Variants in ZNF385D observed in about 807,000 individuals in gnomAD.
The protein encoded by ZNF385D is zinc finger protein 385D, also known as zinc finger protein 659.
In ZNF385D, 15 loss-of-function variants were observed where a neutral mutation model predicts 35.8. That is an observed-to-expected ratio of 0.42 (90% CI 0.28 to 0.64). The LOEUF is 0.64. ZNF385D is among the 30% of genes least tolerant of loss of function. The pLI is 0.23. For synonymous variants in ZNF385D, 212 were observed against 186.8 expected (o/e 1.13, Z -1.10); for missense variants, 474 against 494.6 (o/e 0.96, Z 0.39).
intron 2 of ZNF385D, among the ~76,000 whole-genome samples, chr3:22,176,622 A>T (rs1694847122): frequency 6.6e-6 from 1 of 152,206 alleles, no homozygotes; most frequent in Non-Finnish European, 1.5e-5. Flanking sequence ...AATTAAGCCC[A>T]GAGTGGCAGA....
intron 2 of ZNF385D, among the ~76,000 whole-genome samples, chr3:22,202,933 G>T (rs1293329595): frequency 1.3e-5 from 2 of 152,072 alleles, no homozygotes; most frequent in Non-Finnish European, 2.9e-5. Flanking sequence ...GTGTTTTGGG[G>T]TTCTAAATAA....
intron 4 of ZNF385D, among the ~76,000 whole-genome samples, chr3:21,486,064 T>C (rs1247573940): frequency 7.2e-6 from 1 of 138,694 alleles, no homozygotes; most frequent in African/African-American, 2.7e-5. Context: ...TGTGTTAGGA[T>C]TGGGTCACCA....
At chr3:21,748,829 T>C (rs926652607) in intron 1 of ZNF385D, among the ~76,000 whole-genome samples, 7 of 152,166 alleles carry the variant, frequency 4.6e-5, no homozygotes, top group African/African-American at 1.2e-4. Context: ...TATAAATACA[T>C]AGTCTTCAGC....
intron 2 of ZNF385D, among the ~76,000 whole-genome samples, chr3:22,350,965 C>T (rs1305358223): frequency 1.7e-4 from 26 of 152,000 alleles, no homozygotes; most frequent in Non-Finnish European, 1.5e-5. Flanking sequence ...CACAACTTAC[C>T]TTAAGATATC....
At chr3:21,782,803 G>A (rs897082325) in intron 3 of ZNF385D, among the ~76,000 whole-genome samples, 4 of 152,064 alleles carry the variant, frequency 2.6e-5, no homozygotes, top group Admixed American at 6.6e-5. Flanking sequence ...GTGATAAAAT[G>A]CATTGAAATA....
chr3:21,845,062 G>A (rs534890747), intron 3 of ZNF385D, among the ~76,000 whole-genome samples: 1 of 151,896 alleles, frequency 6.6e-6, no homozygotes, highest in East Asian at 1.9e-4. Context: ...GTTAACGCAG[G>A]TCTTAAAGTT....
intron 3 of ZNF385D, among the ~76,000 whole-genome samples, chr3:21,813,049 C>G: frequency 6.6e-6 from 1 of 152,200 alleles, no homozygotes; most frequent in Non-Finnish European, 1.5e-5. Flanking sequence ...ATTTGCTGTT[C>G]TGCAGCCTCC....
chr3:22,004,341 T>C (rs1696057711), intron 3 of ZNF385D, among the ~76,000 whole-genome samples: 2 of 151,636 alleles, frequency 1.3e-5, no homozygotes, highest in South Asian at 4.2e-4. Context: ...AAAGAAAACA[T>C]AGGGGAAATG....
intron 3 of ZNF385D, among the ~76,000 whole-genome samples, chr3:21,924,074 A>C (rs1306335105): frequency 6.6e-6 from 1 of 152,214 alleles, no homozygotes; most frequent in Non-Finnish European, 1.5e-5. Context: ...AGAGCACATA[A>C]TCAATGAGAT....
chr3:21,603,095 A>G (rs147560154), intron 2 of ZNF385D, among the ~76,000 whole-genome samples: 1 of 152,226 alleles, frequency 6.6e-6, no homozygotes. Context: ...AAGTTTATTT[A>G]CCAAAATAAA....
intron 1 of ZNF385D, among the ~76,000 whole-genome samples, chr3:21,696,298 T>A (rs543840277): frequency 3.9e-5 from 6 of 152,292 alleles, no homozygotes; most frequent in African/African-American, 7.2e-5. Context: ...CTTGGGGAAT[T>A]TACTGAATCT....
At chr3:22,149,942 T>G (rs1010305926) in intron 3 of ZNF385D, among the ~76,000 whole-genome samples, 14 of 152,206 alleles carry the variant, frequency 9.2e-5, no homozygotes, top group African/African-American at 3.4e-4. Flanking sequence ...GAACTTACTC[T>G]CTTGACTTTA....
rs1260885276 is a variant in ZNF385D, at chr3:21,423,825, C to A, written c.954+138G>T. ...TTGGTTTTTCTCTTTTCCCTATGAT[C>A]TATGATAAATCTGAACTCAACTCAA... On this transcript the variant is annotated intron_variant, in intron 7 of 7. Transcript: ENST00000281523. 3 of 721,982 alleles carry A rather than the reference C, an allele frequency of 4.2e-6. No individual in the cohort carries two copies. In the African/African-American group the frequency reaches 5.7e-5, roughly 14 times the overall value. The allele number at this position is 721,982 out of a possible 1,614,324, so 44.7% of individuals were successfully genotyped here.
In ZNF385D at chr3:21,938,051, T is replaced by G. The variant is rs997078742; in HGVS notation, c.325+230766A>C. ...TACGTAACAAAGGAGGTCCAAATTTTTATTTGCCTCAAATGATATTCAACC... is the reference window on the plus strand; with the variant it reads ...TACGTAACAAAGGAGGTCCAAATTTGTATTTGCCTCAAATGATATTCAACC... On this transcript the variant is annotated intron_variant, in intron 3 of 5. Coordinates refer to the ZNF385D transcript ENST00000494108. Among the ~76,000 whole-genome samples the G allele has an allele frequency of 2.6e-5, 4 of 152,344 alleles. No homozygotes were observed. In the East Asian group the frequency reaches 7.7e-4, roughly 29 times the overall value.
intron 3 of ZNF385D, among the ~76,000 whole-genome samples, chr3:21,844,096 T>C (rs146580051): frequency 7.3e-4 from 111 of 152,110 alleles, no homozygotes; most frequent in African/African-American, 2.6e-3. Flanking sequence ...TTTGGAGATA[T>C]TTAACATATA....
intron 2 of ZNF385D, among the ~76,000 whole-genome samples, chr3:22,260,857 T>C (rs1700590475): frequency 1.3e-5 from 2 of 152,032 alleles, no homozygotes; most frequent in African/African-American, 4.8e-5. Flanking sequence ...AAGAAACGTG[T>C]TTTTATCACT....
At position 21,711,155 on chromosome 3, in the gene ZNF385D, C is replaced by T. The variant is rs996225824; in HGVS notation, c.22+39740G>A. ...CTCCCGTGTTCACGCCATTCTCCTG[C>T]CTCAGCCTCCCGAGTAGCTGGGACT... On this transcript the variant is annotated intron_variant, in intron 1 of 7. Coordinates refer to ENST00000281523, the MANE Select transcript of ZNF385D (RefSeq NM_024697.3). Among the ~76,000 whole-genome samples, 12 of 147,100 alleles carry T rather than the reference C, an allele frequency of 8.2e-5. No individual in the cohort carries two copies. In the Admixed American group the frequency reaches 8.6e-4, roughly 10 times the overall value.
intron 3 of ZNF385D, among the ~76,000 whole-genome samples, chr3:21,948,900 TTTAAA>T (rs1340192959): frequency 2.0e-5 from 3 of 152,200 alleles, no homozygotes; most frequent in Non-Finnish European, 4.4e-5. Flanking sequence ...CAAAGAAAAC[TTTAAA>T]TTAAACAATT....
rs182025464 is a variant in ZNF385D, at chr3:22,255,960, G to A, written c.107-86925C>T. On this transcript the variant is annotated intron_variant, in intron 2 of 5. Transcript: ENST00000494108. ...TGAGTCAGTGGGGCTGGGAAAGGCC[G>A]ACTCACCCTTAATCTGGTTGTGCAC... Among the ~76,000 whole-genome samples, 13 of 151,666 alleles carry A rather than the reference G, an allele frequency of 8.6e-5. No homozygotes were observed. The East Asian group carries it at 2.0e-3, about 23-fold the overall frequency.
Sources: gnomAD v4.1 joint callset for allele counts (sites outside exome capture counted in the v4.1 genomes callset) on GRCh38, gnomAD v4.1.1 for gene constraint, MANE v1.5 for transcripts, NCBI Gene and HGNC (gene_info 2026-07-23, HGNC 2026-07-21) for gene names.